The following TRIM55 variants were observed in gnomAD, a reference collection of about 807,000 sequenced individuals.
TRIM55 encodes the protein tripartite motif-containing protein 55.
A neutral mutation model predicts 60.9 loss-of-function variants in TRIM55; 50 were observed. The observed-to-expected ratio is 0.82, with a 90% CI of 0.65 to 1.04. TRIM55 has a LOEUF of 1.04. Ranked by LOEUF, TRIM55 falls within the 50% of genes least tolerant of loss-of-function variation. The pLI, the probability that TRIM55 is intolerant of heterozygous loss-of-function variation, is 0.00. For synonymous variants in TRIM55, 237 were observed against 238.1 expected (o/e 1.00, Z 0.04); for missense variants, 681 against 666.9 (o/e 1.02, Z -0.23).
Position 66,140,496 on chromosome 8 carries a change from C to T in TRIM55, c.603+3306C>T, listed in dbSNP as rs73693917. Among the ~76,000 whole-genome samples, 289 of 152,340 alleles carry T rather than the reference C, an allele frequency of 1.9e-3. 1 individual carries two copies. Among genetic ancestry groups the T allele is most frequent in the African/African-American group, 6.7e-3 (278 of 41,572 alleles). On this transcript the variant is annotated intron_variant, in intron 4 of 9. Coordinates refer to ENST00000315962, the MANE Select transcript of TRIM55 (RefSeq NM_184085.2). ...GTTCTCAAAGCCCCATGGAGGTCTC[C>T]GACTTTATGAATCCCTCTTGACACA...
At chr8:66,170,281 TTCTG>T (rs1296849203) in intron 9 of TRIM55, among the ~76,000 whole-genome samples, 3 of 152,196 alleles carry the variant, frequency 2.0e-5, no homozygotes, top group Non-Finnish European at 4.4e-5. Context: ...TCATCCTAGT[TTCTG>T]TCTATGAATT....
At chr8:66,154,406 G>A in intron 9 of TRIM55, 72 bp downstream of exon 9, 4 of 1,505,302 alleles carry the variant, frequency 2.7e-6, no homozygotes, top group Admixed American at 2.1e-5. Flanking sequence ...GCCACAGCAA[G>A]AAGAAAAAGG....
intron 1 of TRIM55, among the ~76,000 whole-genome samples, chr8:66,127,844 AAAAC>A (rs1586163875): frequency 6.6e-6 from 1 of 152,230 alleles, no homozygotes; most frequent in South Asian, 2.1e-4. Flanking sequence ...CAAAAAAAGA[AAAAC>A]AAACAAACAA....
chr8:66,113,496 T>TA, the TRIM55 span: 1 of 456,072 alleles, frequency 2.2e-6, no homozygotes, highest in South Asian at 1.5e-5. Flanking sequence ...CCCGATGACT[T>TA]ATGGCACTTT....
At chr8:66,147,309 G>A (rs530761635) in intron 4 of TRIM55, among the ~76,000 whole-genome samples, 3 of 152,166 alleles carry the variant, frequency 2.0e-5, no homozygotes, top group African/African-American at 7.2e-5. Flanking sequence ...GGCACCACTG[G>A]ATCTCCATGC....
chr8:66,128,388 G>C lies in TRIM55; in HGVS notation c.253G>C (p.Val85Leu), dbSNP rs771441970. 2 of 1,613,762 alleles carry C rather than the reference G, an allele frequency of 1.2e-6. No individual in the cohort carries two copies. The highest frequency in any genetic ancestry group is 2.7e-5 in the African/African-American group (2 of 74,918). ...CCGCTGCCCATCCTGTAGACATGAA[G>C]TGGTTTTGGATAGACATGGGGTATA... ...RFRCPSCRHE[V>L]VLDRHGVYGL... Residue 85 changes from valine (V) to leucine (L), a missense_variant, in exon 2 of 10, where the codon GTG becomes CTG. By Grantham distance (32) the Val-to-Leu change is conservative. Coordinates refer to ENST00000315962, the MANE Select transcript of TRIM55 (RefSeq NM_184085.2).
chr8:66,126,521 A>T (rs941849293), upstream of TRIM55, among the ~76,000 whole-genome samples: 1 of 152,188 alleles, frequency 6.6e-6, no homozygotes, highest in East Asian at 1.9e-4. Flanking sequence ...ATTTTTATTT[A>T]TGCATGTATT....
intron 2 of TRIM55, among the ~76,000 whole-genome samples, chr8:66,132,306 A>T (rs1809206653): frequency 1.3e-5 from 2 of 152,198 alleles, no homozygotes; most frequent in South Asian, 4.1e-4. Flanking sequence ...CAAAAAAATT[A>T]GCCAGGTGTG....
At chr8:66,150,115 C>A in intron 5 of TRIM55, 102 bp from the exon 6 acceptor site, 2 of 1,370,276 alleles carry the variant, frequency 1.5e-6, no homozygotes, top group Non-Finnish European at 2.0e-6. Flanking sequence ...CATTTAGAAA[C>A]TAAGCTATGA....
chr8:66,118,168 CAAAAAAA>C, the TRIM55 span, among the ~76,000 whole-genome samples: 2,591 of 39,864 alleles, frequency 0.065, 82 homozygotes, highest in African/African-American at 0.14. Flanking sequence ...GACTCCGTCT[CAAAAAAA>C]AAAAAAAAAA....
chr8:66,114,863 G>A, the TRIM55 span: 1 of 317,394 alleles, frequency 3.2e-6, no homozygotes, highest in Non-Finnish European at 6.3e-6. Flanking sequence ...GTTAACTGTG[G>A]AGAATTAACT....
At chr8:66,135,185 C>T (rs1264214300) in intron 3 of TRIM55, 30 bp downstream of exon 3, 2 of 1,612,180 alleles carry the variant, frequency 1.2e-6, no homozygotes, top group Admixed American at 1.7e-5. Context: ...CCTCCCGCAA[C>T]CCCTCCCCAT....
At position 66,127,560 on chromosome 8, in the gene TRIM55, C is replaced by T. The variant is rs557780107; in HGVS notation, c.168+124C>T. Reference sequence around the variant, plus strand: ...TTTATAAGGTTGCCGGGCGCTTTGGCTCACGCCTGTAGTCCCAGCACTTTG... The same window carrying T: ...TTTATAAGGTTGCCGGGCGCTTTGGTTCACGCCTGTAGTCCCAGCACTTTG... On this transcript the variant is annotated intron_variant, in intron 1 of 9. Coordinates refer to ENST00000315962, the MANE Select transcript of TRIM55 (RefSeq NM_184085.2). The T allele has an allele frequency of 4.5e-5, 52 of 1,153,590 alleles. 1 individual carries two copies. In the African/African-American group the frequency reaches 6.7e-4, roughly 15 times the overall value. 71.5% of individuals were successfully genotyped at this position (1,153,590 alleles called of 1,614,324 possible).
At chr8:66,139,234 C>A (rs936342467) in intron 4 of TRIM55, among the ~76,000 whole-genome samples, 4 of 152,164 alleles carry the variant, frequency 2.6e-5, no homozygotes, top group African/African-American at 9.7e-5. Flanking sequence ...GAGCACGTTG[C>A]TTGTGGGTGA....
intron 9 of TRIM55, among the ~76,000 whole-genome samples, chr8:66,173,945 A>G (rs571083312): frequency 6.6e-6 from 1 of 152,276 alleles, no homozygotes; most frequent in South Asian, 2.1e-4. Flanking sequence ...GCCCAAAATT[A>G]AGCCTGTAGT....
At chr8:66,143,748 T>C (rs545320288) in intron 4 of TRIM55, among the ~76,000 whole-genome samples, 1 of 152,322 alleles carries the variant, frequency 6.6e-6, no homozygotes, top group South Asian at 2.1e-4. Flanking sequence ...TCTATATTTC[T>C]CGAGGGTGCA....
chr8:66,118,978 A>C, the TRIM55 span, among the ~76,000 whole-genome samples: 1 of 152,240 alleles, frequency 6.6e-6, no homozygotes, highest in Non-Finnish European at 1.5e-5. Flanking sequence ...TCAGTTTAAG[A>C]GGACCTGGTT....
In TRIM55 at chr8:66,149,666, C is replaced by A. The variant is rs376359680; in HGVS notation, c.625C>A (p.Gln209Lys). The A allele has an allele frequency of 8.7e-6, 14 of 1,613,798 alleles. No homozygotes were observed. The highest frequency in any genetic ancestry group is 1.6e-4 in the Middle Eastern group (1 of 6,084). ...ATAGGAATGTTGCAGAAAACAGAAA[C>A]AAGAGCTTTGTGAGAAGTTTGATTA... Reference protein sequence around the residue: ...TIEECCRKQKQELCEKFDYLY... With the variant: ...TIEECCRKQKKELCEKFDYLY... The change falls in exon 5 of 10, where the codon CAA becomes AAA. Residue 209 changes from glutamine (Q) to lysine (K), a missense_variant. Transcript: ENST00000315962.
upstream of TRIM55, among the ~76,000 whole-genome samples, chr8:66,122,084 G>A (rs1305938078): frequency 6.6e-6 from 1 of 152,182 alleles, no homozygotes; most frequent in Admixed American, 6.5e-5. Flanking sequence ...TGAGAGCAGG[G>A]AGGAGCAAGG....
Sources: allele counts gnomAD v4.1 joint callset (sites outside exome capture counted in the v4.1 genomes callset), GRCh38; gene constraint gnomAD v4.1.1; transcripts MANE v1.5; gene names NCBI Gene and HGNC (gene_info 2026-07-23, HGNC 2026-07-21).